Variants in TAF12 observed in about 807,000 individuals in gnomAD.
TAF12 encodes the protein TATA-box binding protein associated factor 12.
In TAF12, 3 loss-of-function variants were observed where a neutral mutation model predicts 20.8. That is an observed-to-expected ratio of 0.14 (90% CI 0.07 to 0.37). The LOEUF (loss-of-function observed/expected upper bound fraction) is 0.37. Among genes scored for constraint, TAF12 ranks in the 10% least tolerant of loss-of-function variants. The pLI is 1.00. For missense variants in TAF12, 131 were observed against 197.9 expected, an observed-to-expected ratio of 0.66 and a Z score of 2.03; for synonymous variants, 69 against 70.2, an observed-to-expected ratio of 0.98 and a Z score of 0.09.
intron 4 of TAF12, among the ~76,000 whole-genome samples, chr1:28,608,512 G>GGGA (rs1666745882): frequency 6.6e-6 from 1 of 152,156 alleles, no homozygotes; most frequent in Non-Finnish European, 1.5e-5. Context: ...CCAGCACTTT[G>GGGA]GGAGGCCAAG....
At chr1:28,637,680 C>A (rs957205279) in intron 1 of TAF12, among the ~76,000 whole-genome samples, 39 of 151,852 alleles carry the variant, frequency 2.6e-4, no homozygotes, top group African/African-American at 9.4e-4. Flanking sequence ...AAAAGATTTT[C>A]TTTTTTTTAT....
intron 1 of TAF12, among the ~76,000 whole-genome samples, chr1:28,641,291 T>A (rs1216688358): frequency 1.3e-5 from 2 of 151,912 alleles, no homozygotes; most frequent in East Asian, 3.9e-4. Flanking sequence ...AAACACAGCC[T>A]GGCCAACATG....
intron 1 of TAF12, among the ~76,000 whole-genome samples, chr1:28,633,386 T>C (rs1045822924): frequency 4.5e-5 from 6 of 133,102 alleles, no homozygotes; most frequent in Non-Finnish European, 6.5e-5. Flanking sequence ...CAGGCTGGTC[T>C]TGAATTCCCG....
intron 4 of TAF12, among the ~76,000 whole-genome samples, chr1:28,611,739 C>T (rs917087056): frequency 6.6e-6 from 1 of 152,104 alleles, no homozygotes; most frequent in African/African-American, 2.4e-5. Flanking sequence ...GGTTTCTGGC[C>T]TGCAGAACTG....
intron 1 of TAF12, chr1:28,623,809 G>A (rs1474463431): frequency 4.5e-6 from 1 of 222,730 alleles, no homozygotes; most frequent in Non-Finnish European, 7.6e-6. Flanking sequence ...AGTACATGCA[G>A]AGACCCTAGT....
rs1317777254 is a variant in TAF12, at chr1:28,643,016, G to A, written c.-109C>T. On this transcript the variant is annotated 5_prime_UTR_variant, in exon 1 of 6. Transcript: ENST00000373824. ...CAGGCAGCAGCGTCTATCTCCCCAT[G>A]ATATGCAGAGACTGCCCCAGTGAAG... 5.1e-6 allele frequency: 5 copies of A among 985,826 alleles called. No homozygotes were observed. Among genetic ancestry groups the A allele is most frequent in the Non-Finnish European group, 6.0e-6 (5 of 830,026 alleles). 61.1% of individuals were successfully genotyped at this position (985,826 alleles called of 1,614,324 possible).
intron 1 of TAF12, among the ~76,000 whole-genome samples, chr1:28,634,864 G>A (rs1486376810): frequency 6.6e-6 from 1 of 151,954 alleles, no homozygotes. Context: ...GGGAGGTGGA[G>A]GTTGCAGTGA....
At chr1:28,612,606 T>G (rs1335292364) in intron 4 of TAF12, among the ~76,000 whole-genome samples, 2 of 149,888 alleles carry the variant, frequency 1.3e-5, no homozygotes, top group South Asian at 4.2e-4. Context: ...TATAGACTGA[T>G]CTCTTTCTTT....
chr1:28,615,896 A>G (rs1044301419), intron 3 of TAF12, among the ~76,000 whole-genome samples: 1 of 152,150 alleles, frequency 6.6e-6, no homozygotes, highest in Non-Finnish European at 1.5e-5. Flanking sequence ...AGACCAGCTC[A>G]TAAAAGCCAA....
In TAF12 at chr1:28,615,463, G is replaced by A. The variant is rs1667002083; in HGVS notation, c.247-2102C>T. On this transcript the variant is annotated intron_variant, in intron 3 of 5. Transcript: ENST00000373824. ...GGAGGCCGAAGTGGGTGGATGACCTGAGGTCAGGAGTTCGAGACTAGCTTG... is the reference window on the plus strand; with the variant it reads ...GGAGGCCGAAGTGGGTGGATGACCTAAGGTCAGGAGTTCGAGACTAGCTTG... 2.6e-5 allele frequency among the ~76,000 whole-genome samples: 4 copies of A among 152,062 alleles called. No homozygotes were observed. The South Asian group carries it at 8.3e-4, about 32-fold the overall frequency.
At chr1:28,603,986 C>A (rs1448499984) in intron 5 of TAF12, among the ~76,000 whole-genome samples, 1 of 151,396 alleles carries the variant, frequency 6.6e-6, no homozygotes, top group East Asian at 1.9e-4. Context: ...CTCACTGCAA[C>A]CTCTGCCTCC....
At chr1:28,621,448 A>C (rs541463468) in intron 2 of TAF12, among the ~76,000 whole-genome samples, 1 of 152,356 alleles carries the variant, frequency 6.6e-6, no homozygotes, top group South Asian at 2.1e-4. Context: ...TACTTTTATC[A>C]TAGGAATAAT....
chr1:28,618,144 T>A, intron 2 of TAF12, 114 bp from the exon 3 acceptor site: 1 of 933,778 alleles, frequency 1.1e-6, no homozygotes, highest in Non-Finnish European at 1.6e-6. Context: ...CACTTTCCAA[T>A]GAGTTCACAG....
chr1:28,615,678 C>CAAAAAAAAAA (rs57536422), intron 3 of TAF12, among the ~76,000 whole-genome samples: 10 of 34,496 alleles, frequency 2.9e-4, no homozygotes, highest in African/African-American at 7.9e-4. Context: ...GACTCCGTCT[C>CAAAAAAAAAA]AAAAAAAAAA....
At chr1:28,643,265 G>A (rs545163383), upstream of TAF12, 4 of 225,860 alleles carry the variant, frequency 1.8e-5, no homozygotes, top group Non-Finnish European at 3.0e-5. Flanking sequence ...GGCAGCATGA[G>A]CGAGCTCTGC....
chr1:28,630,567 C>T (rs1012359445), intron 1 of TAF12, among the ~76,000 whole-genome samples: 1 of 150,696 alleles, frequency 6.6e-6, no homozygotes, highest in African/African-American at 2.4e-5. Flanking sequence ...AAAAAAAATT[C>T]AAAACTGATC....
intron 1 of TAF12, among the ~76,000 whole-genome samples, chr1:28,635,082 T>TA (rs1389123627): frequency 6.9e-6 from 1 of 145,652 alleles, no homozygotes; most frequent in Non-Finnish European, 1.5e-5. Flanking sequence ...TACAAAAAAT[T>TA]AGACAGGCAT....
intron 1 of TAF12, among the ~76,000 whole-genome samples, chr1:28,634,915 G>C (rs1038540732): frequency 7.2e-6 from 1 of 139,742 alleles, no homozygotes; most frequent in South Asian, 2.4e-4. Flanking sequence ...GGCAACAAGA[G>C]CAAAACTCCA....
At chr1:28,638,166 A>G (rs985017542) in intron 1 of TAF12, among the ~76,000 whole-genome samples, 2 of 149,890 alleles carry the variant, frequency 1.3e-5, no homozygotes, top group African/African-American at 2.5e-5. Flanking sequence ...ACATCCAGCT[A>G]ATTTTTGTAT....
Sources: allele counts gnomAD v4.1 joint callset (sites outside exome capture counted in the v4.1 genomes callset), GRCh38; gene constraint gnomAD v4.1.1; transcripts MANE v1.5; gene names NCBI Gene and HGNC (gene_info 2026-07-23, HGNC 2026-07-21).